PDLIM3: variants seen among roughly 807,000 people sequenced by gnomAD.
The protein encoded by PDLIM3 is PDZ and LIM domain protein 3.
Under a neutral mutation model 37.3 loss-of-function variants are expected in PDLIM3, and 36 were observed. The observed-to-expected ratio is 0.97, with a 90% CI of 0.74 to 1.28. The LOEUF (loss-of-function observed/expected upper bound fraction) is 1.28, where lower values mean the gene tolerates loss of function less well. PDLIM3 is among the 50% of genes most tolerant of loss of function. PDLIM3 has a pLI of 0.00. For missense variants in PDLIM3, 454 were observed against 485.0 expected (o/e 0.94, Z 0.60); for synonymous variants, 174 against 182.4 (o/e 0.95, Z 0.37).
chr4:185,511,914 G>A (rs554780764), intron 4 of PDLIM3, among the ~76,000 whole-genome samples: 4 of 151,892 alleles, frequency 2.6e-5, no homozygotes, highest in East Asian at 3.9e-4. Flanking sequence ...GAATGCACCC[G>A]AAAAAAACTA....
chr4:185,514,600 A>C lies in PDLIM3; in HGVS notation c.331-263T>G, dbSNP rs2095711980. ...AAAAGAGAAATCTGATAGTGCCTTC[A>C]GGAAAGTAAAAATAAAACAGCAAGA... On this transcript the variant is annotated intron_variant, in intron 3 of 7. Coordinates refer to ENST00000284767, the MANE Select transcript of PDLIM3 (RefSeq NM_014476.6). This position sits in a 1 kb window ranked among gnomAD's most constrained non-coding sequence, Gnocchi z 4.0. 7.6e-7 allele frequency: 1 copy of C among 1,313,312 alleles called. No individual in the cohort carries two copies. Among genetic ancestry groups the C allele is most frequent in the Admixed American group, 2.7e-5 (1 of 37,204 alleles). 81.4% of individuals were successfully genotyped at this position (1,313,312 alleles called of 1,614,324 possible).
In PDLIM3 at chr4:185,508,159, T is replaced by A. The variant is rs1227830177; in HGVS notation, c.662+140A>T. The A allele has an allele frequency of 3.6e-6, 3 of 826,932 alleles. No individual in the cohort carries two copies. In the African/African-American group the frequency reaches 5.1e-5, roughly 14 times the overall value. 51.2% of individuals were successfully genotyped at this position (826,932 alleles called of 1,614,324 possible). A position where few individuals can be genotyped will look rare whatever the true frequency, so the allele number is the denominator to read the frequency against. ...TAGCTTTCTTTCCAAGCCTAGATAT[T>A]TGCAGTAAATCCTTAGTATTTTAAA... On this transcript the variant is annotated intron_variant, in intron 5 of 7. Transcript: ENST00000284767.
chr4:185,527,011 C>T (rs996732100), intron 1 of PDLIM3, among the ~76,000 whole-genome samples: 1 of 152,092 alleles, frequency 6.6e-6, no homozygotes, highest in Non-Finnish European at 1.5e-5. Flanking sequence ...TCTGTCTTCC[C>T]AACTAGACTG....
At position 185,535,387 on chromosome 4, in the gene PDLIM3, C is replaced by A. The variant is rs1345291628; in HGVS notation, c.48G>T (p.Arg16Ser). Residue 16 changes from arginine (R) to serine (S), a missense_variant, in exon 1 of 8, where the codon AGG (arginine) becomes AGT (serine). Coordinates refer to ENST00000284767, the MANE Select transcript of PDLIM3 (RefSeq NM_014476.6). ...GGTTGAAGTCTATGCCCCCTGAGAG[C>A]CTGAAGCCCCAGGGCGCAGGGCCCG... ...ILPGPAPWGF[R>S]LSGGIDFNQP... The A allele has an allele frequency of 6.2e-7, 1 of 1,608,178 alleles. No individual in the cohort carries two copies. The highest frequency in any genetic ancestry group is 1.1e-5 in the South Asian group (1 of 89,990).
In PDLIM3 at chr4:185,508,373, C is replaced by T. The variant is rs760087085; in HGVS notation, c.588G>A (p.Leu196=). ...VHAQFNTPMQ[L]YSDDNIMETL... The stretch of plus-strand genomic sequence containing the variant: ...TTTCCATAATATTGTCATCTGAGTA[C>T]AACTGCATAGGTGTATTAAACTGAG... The change falls in exon 5 of 8, where the codon TTG becomes TTA. Residue 196 remains leucine (L), a synonymous_variant. Transcript: ENST00000284767. 1.9e-5 allele frequency: 30 copies of T among 1,613,940 alleles called. No individual in the cohort carries two copies. The highest frequency in any genetic ancestry group is 6.8e-6 in the Non-Finnish European group (8 of 1,179,934).
At chr4:185,532,097 CAACAA>C (rs768934886) in intron 1 of PDLIM3, among the ~76,000 whole-genome samples, 1 of 152,048 alleles carries the variant, frequency 6.6e-6, no homozygotes, top group Non-Finnish European at 1.5e-5. Flanking sequence ...GACTCTGTCT[CAACAA>C]AACAAAACAA....
Position 185,502,212 on chromosome 4 carries a change from T to C in PDLIM3, c.*82A>G. On this transcript the variant is annotated 3_prime_UTR_variant, in exon 8 of 8. Transcript: ENST00000284767. ...GATTTGGAGTTGACAATCTGCACAA[T>C]CCTTCTGCCCAAAGCCATGAATGTC... 7.2e-7 allele frequency: 1 copy of C among 1,379,666 alleles called. No individual in the cohort carries two copies. The allele number at this position is 1,379,666 out of a possible 1,614,324, so 85.5% of individuals were successfully genotyped here. A position where few individuals can be genotyped will look rare whatever the true frequency, so the allele number is the denominator to read the frequency against.
At position 185,535,430 on chromosome 4, in the gene PDLIM3, G is replaced by A. The variant is rs1306716699; in HGVS notation, c.5C>T (p.Pro2Leu). The change falls in exon 1 of 8, where the codon CCC becomes CTC. Residue 2 changes from proline (P) to leucine (L), a missense_variant. Coordinates refer to ENST00000284767, the MANE Select transcript of PDLIM3 (RefSeq NM_014476.6). Reference sequence around the variant, plus strand: ...AGGGCCCGGGAGGATCACCGTCTGGGGCATGCCGCCTTCCTCCCGCCCACC... The same window carrying A: ...AGGGCCCGGGAGGATCACCGTCTGGAGCATGCCGCCTTCCTCCCGCCCACC... M[P>L]QTVILPGPAP... 1 of 1,593,694 alleles carries A rather than the reference G, an allele frequency of 6.3e-7. No individual in the cohort carries two copies. The highest frequency in any genetic ancestry group is 1.7e-5 in the Admixed American group (1 of 57,872).
At chr4:185,529,787 T>C (rs1194771254) in intron 1 of PDLIM3, among the ~76,000 whole-genome samples, 3 of 152,220 alleles carry the variant, frequency 2.0e-5, no homozygotes, top group Non-Finnish European at 2.9e-5. Context: ...ATCTCTTTTT[T>C]AAAATGAGAA....
intron 7 of PDLIM3, among the ~76,000 whole-genome samples, chr4:185,503,055 A>C (rs113414053): frequency 2.6e-5 from 4 of 151,912 alleles, no homozygotes; most frequent in African/African-American, 9.7e-5. Flanking sequence ...GTGAAACCCC[A>C]TCTCTACTAA....
Position 185,514,284 on chromosome 4 carries a change from G to C in PDLIM3, c.384C>G (p.Ile128Met), listed in dbSNP as rs1456628892. Residue 128 changes from isoleucine (I) to methionine (M), a missense_variant, in exon 4 of 8, where the codon ATC (isoleucine) becomes ATG (methionine). By Grantham distance (10) the Ile-to-Met change is conservative. Coordinates refer to ENST00000284767, the MANE Select transcript of PDLIM3 (RefSeq NM_014476.6). The surrounding 1 kb of genome is among the most constrained non-coding windows in gnomAD (Gnocchi z 4.0). ...KHNIRPKPFV[I>M]PGRSSGCSTP... ...GCGCTTATGACCTGCTTCGGCCCGG[G>C]ATCACGAAAGGTTTGGGCCGAATAT... 4 of 1,614,096 alleles carry C rather than the reference G, an allele frequency of 2.5e-6. No individual in the cohort carries two copies. Among genetic ancestry groups the C allele is most frequent in the Non-Finnish European group, 2.5e-6 (3 of 1,180,052 alleles).
At chr4:185,524,014 G>A (rs2095728198) in intron 2 of PDLIM3, among the ~76,000 whole-genome samples, 1 of 151,634 alleles carries the variant, frequency 6.6e-6, no homozygotes, top group African/African-American at 2.4e-5. Context: ...AGGCCTGCAA[G>A]GCATGTGGGA....
Position 185,534,809 on chromosome 4 carries a change from G to C in PDLIM3, c.93+533C>G, listed in dbSNP as rs147808257. On this transcript the variant is annotated intron_variant, in intron 1 of 7. Coordinates refer to ENST00000284767, the MANE Select transcript of PDLIM3 (RefSeq NM_014476.6). ...AGACTTCCCCTGTCTGGGCTGATAG[G>C]AGCGGCTCCAGTTTGGCCAACGCAG... Among the ~76,000 whole-genome samples the C allele has an allele frequency of 2.7e-3, 412 of 152,330 alleles. 2 individuals carry two copies. The highest frequency in any genetic ancestry group is 9.5e-3 in the African/African-American group (397 of 41,572).
intron 1 of PDLIM3, among the ~76,000 whole-genome samples, chr4:185,531,990 T>C (rs576681981): frequency 2.4e-4 from 36 of 150,112 alleles, no homozygotes; most frequent in Non-Finnish European, 3.8e-4. Context: ...CCCAGCTACT[T>C]GGAAGGCTGA....
At chr4:185,506,992 T>C in intron 5 of PDLIM3, 2 of 236,064 alleles carry the variant, frequency 8.5e-6, no homozygotes, top group South Asian at 1.4e-4. Flanking sequence ...GTGAACAAAA[T>C]TAACTTTTCC....
intron 4 of PDLIM3, chr4:185,512,731 ATGCAAG>A (rs2095708542): frequency 2.0e-6 from 2 of 985,028 alleles, no homozygotes; most frequent in African/African-American, 3.5e-5. Flanking sequence ...CCTGAAAAGA[ATGCAAG>A]TGATTAATTT....
chr4:185,510,807 T>A (rs1369794406), intron 4 of PDLIM3, among the ~76,000 whole-genome samples: 2 of 152,234 alleles, frequency 1.3e-5, no homozygotes, highest in African/African-American at 4.8e-5. Context: ...AATAAATGAG[T>A]AATGAACCCT....
chr4:185,519,977 G>A (rs28375577), intron 3 of PDLIM3, among the ~76,000 whole-genome samples: 3,078 of 152,172 alleles, frequency 0.02, 112 homozygotes, highest in African/African-American at 0.071. Flanking sequence ...TTGCAGAGTT[G>A]TCATTTTGAT....
chr4:185,512,743 A>T (rs1477200479), intron 4 of PDLIM3: 1 of 984,682 alleles, frequency 1.0e-6, no homozygotes, highest in African/African-American at 1.7e-5. Flanking sequence ...GCAAGTGATT[A>T]ATTTTACTAT....
Sources: allele counts gnomAD v4.1 joint callset (sites outside exome capture counted in the v4.1 genomes callset), GRCh38; gene constraint gnomAD v4.1.1; non-coding constraint Gnocchi (gnomAD v3.1); transcripts MANE v1.5; gene names NCBI Gene and HGNC (gene_info 2026-07-23, HGNC 2026-07-21).